The following KXD1 variants were observed in gnomAD, a reference collection of about 807,000 sequenced individuals.
The protein encoded by KXD1 is KxDL motif containing 1.
A neutral mutation model predicts 12.1 loss-of-function variants in KXD1; 5 were observed. The observed-to-expected ratio is 0.41, with a 90% CI of 0.22 to 0.87. The LOEUF (loss-of-function observed/expected upper bound fraction) is 0.87, where lower values mean the gene tolerates loss of function less well. Ranked by LOEUF, KXD1 falls within the 40% of genes least tolerant of loss-of-function variation. KXD1 has a pLI of 0.31. For synonymous variants in KXD1, 98 were observed against 100.5 expected (o/e 0.98, Z 0.15); for missense variants, 193 against 244.9 (o/e 0.79, Z 1.41).
chr19:18,558,591 C>G (rs538416432), intron 1 of KXD1: 1 of 152,268 alleles, frequency 6.6e-6, no homozygotes, highest in African/African-American at 2.4e-5. Context: ...GTTTCAGTTG[C>G]CACAGACAGC....
intron 4 of KXD1, among the ~76,000 whole-genome samples, chr19:18,567,603 T>G (rs1057040171): frequency 6.6e-6 from 1 of 152,110 alleles, no homozygotes; most frequent in Admixed American, 6.5e-5. Flanking sequence ...CACCGTTTCA[T>G]GGAGAGGGAA....
At chr19:18,566,275 C>T (rs1442926053) in intron 3 of KXD1, among the ~76,000 whole-genome samples, 1 of 151,544 alleles carries the variant, frequency 6.6e-6, no homozygotes, top group African/African-American at 2.4e-5. Flanking sequence ...ATGGTGAAAC[C>T]CCGTCTCTAC....
At position 18,567,160 on chromosome 19, in the gene KXD1, C is replaced by T; in HGVS notation, c.283C>T (p.His95Tyr). 6.2e-7 allele frequency: 1 copy of T among 1,614,186 alleles called. No homozygotes were observed. The highest frequency in any genetic ancestry group is 8.5e-7 in the Non-Finnish European group (1 of 1,180,022). Residue 95 changes from histidine to tyrosine, a missense_variant, in exon 4 of 5, where the codon CAC (histidine) becomes TAC (tyrosine). Transcript: ENST00000222307. ...RTLKGKLARQ[H>Y]PEAFSHIPEA... ...GCTGAAAGGGAAACTGGCCAGGCAG[C>T]ACCCAGAGGCCTTCAGCCGTAAGTG...
chr19:18,560,911 T>C (rs768214705), intron 1 of KXD1, among the ~76,000 whole-genome samples: 2 of 151,988 alleles, frequency 1.3e-5, no homozygotes, highest in African/African-American at 2.4e-5. Context: ...TTCACTATGT[T>C]GGCCAGGCTG....
At chr19:18,567,907 C>T (rs2145261395) in intron 4 of KXD1, among the ~76,000 whole-genome samples, 1 of 152,296 alleles carries the variant, frequency 6.6e-6, no homozygotes, top group South Asian at 2.1e-4. Flanking sequence ...GTGTCCCTTC[C>T]TCACCTCACC....
chr19:18,563,509 C>T (rs1975034929), intron 2 of KXD1, among the ~76,000 whole-genome samples: 1 of 151,996 alleles, frequency 6.6e-6, no homozygotes, highest in Non-Finnish European at 1.5e-5. Context: ...CCATGCCTGG[C>T]TGATTTTTTT....
At position 18,568,392 on chromosome 19, in the gene KXD1, C is replaced by T. The variant is rs1379168621; in HGVS notation, c.302-10C>T. 6.2e-7 allele frequency: 1 copy of T among 1,607,668 alleles called. No individual in the cohort carries two copies. The highest frequency in any genetic ancestry group is 8.5e-7 in the Non-Finnish European group (1 of 1,174,556). ...GTGACAAAACCAACTCTTGGGCCTC[C>T]TTCCCCCAGATATCCCAGAGGCATC... is the stretch of plus-strand genomic sequence containing the variant. On this transcript the variant is annotated splice_polypyrimidine_tract_variant and intron_variant, in intron 4 of 4. Coordinates refer to ENST00000222307, the MANE Select transcript of KXD1 (RefSeq NM_024069.4).
At chr19:18,566,341 G>A (rs148217973) in intron 3 of KXD1, among the ~76,000 whole-genome samples, 3 of 151,880 alleles carry the variant, frequency 2.0e-5, no homozygotes, top group Admixed American at 6.6e-5. Context: ...GGTGGTGGGC[G>A]TCTGTATTGC....
At chr19:18,559,348 C>G (rs924892496) in intron 1 of KXD1, 16 of 152,038 alleles carry the variant, frequency 1.1e-4, no homozygotes, top group African/African-American at 3.9e-4. Flanking sequence ...CTCTGCATGG[C>G]ATGTCATAGG....
At position 18,562,048 on chromosome 19, in the gene KXD1, G is replaced by A. The variant is rs766549846; in HGVS notation, c.-9G>A. ...TTGCCTGTTTCAGGCAGCGGAGGAGGAGAAAGAGATGGACCTCCCGGACTC... is the reference window on the plus strand; with the variant it reads ...TTGCCTGTTTCAGGCAGCGGAGGAGAAGAAAGAGATGGACCTCCCGGACTC... On this transcript the variant is annotated 5_prime_UTR_variant, in exon 2 of 5. Transcript: ENST00000222307. 1 of 1,610,408 alleles carries A rather than the reference G, an allele frequency of 6.2e-7. No individual in the cohort carries two copies. Among genetic ancestry groups the A allele is most frequent in the Non-Finnish European group, 8.5e-7 (1 of 1,177,754 alleles).
intron 3 of KXD1, 170 bp downstream of exon 3, chr19:18,565,191 G>C (rs73529573): frequency 1.4e-6 from 2 of 1,392,992 alleles, no homozygotes; most frequent in African/African-American, 1.5e-5. Flanking sequence ...AAATCTTGAC[G>C]TAAGTTTATT....
Position 18,564,998 on chromosome 19 carries a change from G to A in KXD1, c.231G>A (p.Leu77=), listed in dbSNP as rs1187914501. 1.9e-6 allele frequency: 3 copies of A among 1,606,980 alleles called. No homozygotes were observed. The highest frequency in any genetic ancestry group is 2.5e-6 in the Non-Finnish European group (3 of 1,179,924). Reference sequence around the variant, plus strand: ...CCCTAGTAGAGATGAAACGGGACCTGGACAGCATCTTCCGCCGTATCAGGT... The same window carrying A: ...CCCTAGTAGAGATGAAACGGGACCTAGACAGCATCTTCCGCCGTATCAGGT... The part of the protein sequence containing the change: ...TRTLVEMKRD[L]DSIFRRIRTL... The change falls in exon 3 of 5, where the codon CTG becomes CTA. Residue 77 remains leucine (L), a synonymous_variant. Coordinates refer to ENST00000222307, the MANE Select transcript of KXD1 (RefSeq NM_024069.4).
chr19:18,565,022 G>A lies in KXD1; in HGVS notation c.254+1G>A. 6.3e-7 allele frequency: 1 copy of A among 1,584,096 alleles called. No individual in the cohort carries two copies. The highest frequency in any genetic ancestry group is 8.5e-7 in the Non-Finnish European group (1 of 1,174,638). On this transcript the variant is annotated splice_donor_variant, in intron 3 of 4. Coordinates refer to ENST00000222307, the MANE Select transcript of KXD1 (RefSeq NM_024069.4). LOFTEE classifies it high-confidence loss of function. Reference sequence around the variant, plus strand: ...TGGACAGCATCTTCCGCCGTATCAGGTGGGTGCTCAGTGCCACCCCAGCCC... The same window carrying A: ...TGGACAGCATCTTCCGCCGTATCAGATGGGTGCTCAGTGCCACCCCAGCCC...
chr19:18,563,083 C>G (rs1312736060), intron 2 of KXD1, among the ~76,000 whole-genome samples: 1 of 152,042 alleles, frequency 6.6e-6, no homozygotes, highest in East Asian at 1.9e-4. Flanking sequence ...AACTCATCAG[C>G]TGTCGTTAGT....
At position 18,559,611 on chromosome 19, in the gene KXD1, G is replaced by T. The variant is rs140510493; in HGVS notation, c.-22+1697G>T. On this transcript the variant is annotated intron_variant, in intron 1 of 4. Transcript: ENST00000222307. The stretch of plus-strand genomic sequence containing the variant: ...AGGCAGAAATCAGCTGCTGTAAGAA[G>T]CCACTGTCCTGTCACAGCTGGATAT... 9.5e-4 allele frequency: 144 copies of T among 152,242 alleles called. 1 individual carries two copies. The highest frequency in any genetic ancestry group is 3.4e-3 in the Middle Eastern group (1 of 294). 9.4% of individuals were successfully genotyped at this position (152,242 alleles called of 1,614,324 possible).
intron 4 of KXD1, among the ~76,000 whole-genome samples, chr19:18,568,192 G>A (rs1040663995): frequency 6.6e-6 from 1 of 151,616 alleles, no homozygotes; most frequent in Non-Finnish European, 1.5e-5. Context: ...GCTTGAACCC[G>A]GGAGACGGAG....
intron 4 of KXD1, 44 bp from the exon 5 acceptor site, chr19:18,568,358 C>T (rs752875752): frequency 6.9e-7 from 1 of 1,452,838 alleles, no homozygotes. Context: ...CATCACAGAG[C>T]TTGGCAAGGT....
In KXD1 at chr19:18,568,553, C is replaced by A. The variant is rs895738156; in HGVS notation, c.453C>A (p.Asp151Glu). The change falls in exon 5 of 5, where the codon GAC becomes GAA. Residue 151 changes from aspartate to glutamate, a missense_variant. Coordinates refer to ENST00000222307, the MANE Select transcript of KXD1 (RefSeq NM_024069.4). ...CCTCCCTGAGCCCCGGCTTCGAGGA[C>A]CTGTCCCATGTCCAGCCTGGCTCCC... is the stretch of plus-strand genomic sequence containing the variant. ...VSPSLSPGFE[D>E]LSHVQPGSPA... 6.2e-6 allele frequency: 10 copies of A among 1,613,834 alleles called. No individual in the cohort carries two copies. Among genetic ancestry groups the A allele is most frequent in the Non-Finnish European group, 8.5e-6 (10 of 1,180,050 alleles).
chr19:18,568,487 G>A lies in KXD1; in HGVS notation c.387G>A (p.Gln129=). The A allele has an allele frequency of 6.2e-7, 1 of 1,614,100 alleles. No homozygotes were observed. Among genetic ancestry groups the A allele is most frequent in the Non-Finnish European group, 8.5e-7 (1 of 1,180,018 alleles). ...CGACCACCATTGCCACCTCAGAACAGAGCACGGGCTCATGTGACACCAGCC... is the reference window on the plus strand; with the variant it reads ...CGACCACCATTGCCACCTCAGAACAAAGCACGGGCTCATGTGACACCAGCC... ...STTTTIATSE[Q]STGSCDTSPD... The change falls in exon 5 of 5, where the codon CAG becomes CAA. Residue 129 remains glutamine (Q), a synonymous_variant. Coordinates refer to ENST00000222307, the MANE Select transcript of KXD1 (RefSeq NM_024069.4).
Sources: allele counts gnomAD v4.1 joint callset (sites outside exome capture counted in the v4.1 genomes callset), GRCh38; gene constraint gnomAD v4.1.1; transcripts MANE v1.5; gene names NCBI Gene and HGNC (gene_info 2026-07-23, HGNC 2026-07-21).